CCDC181: variants seen among roughly 807,000 people sequenced by gnomAD.
The protein encoded by CCDC181 is coiled-coil domain containing 181.
A neutral mutation model predicts 58.7 loss-of-function variants in CCDC181; 35 were observed. The observed-to-expected ratio is 0.60, with a 90% CI of 0.46 to 0.79. The LOEUF (loss-of-function observed/expected upper bound fraction) is 0.79. CCDC181 is among the 30% of genes least tolerant of loss of function. CCDC181 has a pLI of 0.00. For missense variants in CCDC181, 517 were observed against 583.9 expected (o/e 0.89, Z 1.18); for synonymous variants, 183 against 197.5 (o/e 0.93, Z 0.62).
intron 4 of CCDC181, among the ~76,000 whole-genome samples, chr1:169,402,412 T>C (rs6656923): frequency 0.12 from 18,375 of 152,154 alleles, 1,164 homozygotes; most frequent in Admixed American, 0.14. Flanking sequence ...GAGAGAAAGG[T>C]TGGGTTACCC....
At chr1:169,405,249 T>C (rs554854124) in intron 4 of CCDC181, among the ~76,000 whole-genome samples, 1 of 152,276 alleles carries the variant, frequency 6.6e-6, no homozygotes, top group African/African-American at 2.4e-5. Flanking sequence ...AATTTATAGA[T>C]TCAATGCCAT....
Position 169,441,189 on chromosome 1 carries a change from T to C in CCDC181, c.-23-16239A>G, listed in dbSNP as rs567313017. Among the ~76,000 whole-genome samples, 7 of 152,310 alleles carry C rather than the reference T, an allele frequency of 4.6e-5. No homozygotes were observed. In the East Asian group the frequency reaches 1.4e-3, roughly 29 times the overall value. The stretch of plus-strand genomic sequence containing the variant: ...GTAGTATATATATTTAAGTCTTTAA[T>C]GAATATTTATTGAGTTCACATTACT... On this transcript the variant is annotated intron_variant, in intron 2 of 6. Transcript: ENST00000545005.
intron 2 of CCDC181, among the ~76,000 whole-genome samples, chr1:169,447,077 A>G (rs1657397421): frequency 6.6e-6 from 1 of 152,114 alleles, no homozygotes; most frequent in Non-Finnish European, 1.5e-5. Context: ...TAGTCTGTGA[A>G]CATAACTTGT....
chr1:169,395,258 T>C (rs751802829), intron 5 of CCDC181, 52 bp from the exon 6 acceptor site: 1 of 1,467,978 alleles, frequency 6.8e-7, no homozygotes, highest in Non-Finnish European at 9.2e-7. Flanking sequence ...GAATACACTC[T>C]TCATGCTATA....
At chr1:169,431,727 G>A (rs1407490066), upstream of CCDC181, among the ~76,000 whole-genome samples, 2 of 152,150 alleles carry the variant, frequency 1.3e-5, no homozygotes, top group African/African-American at 2.4e-5. Flanking sequence ...TGCAGGAGCA[G>A]CTTTAACATA....
Position 169,397,272 on chromosome 1 carries a change from A to C in CCDC181, c.1335T>G (p.Leu445=), listed in dbSNP as rs746464125. The part of the protein sequence containing the change: ...LRKQEECLFF[L]KGTEGRERAF... ...CCCTTTCCCGGCCTTCTGTTCCTTT[A>C]AGGAAGAATAAACATTCCTCTTGCT... The change falls in exon 5 of 6, where the codon CTT becomes CTG. Residue 445 remains leucine (L), a synonymous_variant. Coordinates refer to ENST00000367806, the MANE Select transcript of CCDC181 (RefSeq NM_001300969.2). The C allele has an allele frequency of 5.0e-6, 8 of 1,608,292 alleles. No homozygotes were observed. Among genetic ancestry groups the C allele is most frequent in the Non-Finnish European group, 6.8e-6 (8 of 1,177,554 alleles).
At chr1:169,424,228 T>G (rs776774763) in intron 2 of CCDC181, among the ~76,000 whole-genome samples, 53 of 151,952 alleles carry the variant, frequency 3.5e-4, no homozygotes, top group Non-Finnish European at 6.8e-4. Context: ...TTAATTTTCC[T>G]GGAGTTCCTT....
At chr1:169,435,923 A>G (rs1467631824) in intron 2 of CCDC181, among the ~76,000 whole-genome samples, 1 of 152,210 alleles carries the variant, frequency 6.6e-6, no homozygotes, top group Non-Finnish European at 1.5e-5. Flanking sequence ...GGTGAAATGG[A>G]TAGTGTAAAA....
intron 4 of CCDC181, among the ~76,000 whole-genome samples, chr1:169,411,015 G>C (rs1655934834): frequency 6.6e-6 from 1 of 152,110 alleles, no homozygotes; most frequent in Non-Finnish European, 1.5e-5. Context: ...TCAAAAGCTA[G>C]CAGAAAGCAA....
chr1:169,422,334 A>C (rs1320410618), intron 2 of CCDC181, 21 bp from the exon 3 acceptor site: 1 of 1,489,312 alleles, frequency 6.7e-7, no homozygotes, highest in Non-Finnish European at 9.0e-7. Flanking sequence ...GATATTTTTC[A>C]GTCAAAATTG....
At chr1:169,402,850 A>T (rs1169378905) in intron 4 of CCDC181, among the ~76,000 whole-genome samples, 10 of 152,220 alleles carry the variant, frequency 6.6e-5, no homozygotes, top group Non-Finnish European at 1.5e-4. Flanking sequence ...CAATTAAAAG[A>T]CACAGACTGG....
chr1:169,398,008 C>T (rs1201941714), intron 4 of CCDC181, among the ~76,000 whole-genome samples: 1 of 152,086 alleles, frequency 6.6e-6, no homozygotes, highest in Non-Finnish European at 1.5e-5. Flanking sequence ...TGTTTGTAAC[C>T]CACATTGCCA....
chr1:169,428,717 A>C (rs936614008), upstream of CCDC181, among the ~76,000 whole-genome samples: 6 of 152,080 alleles, frequency 3.9e-5, no homozygotes, highest in Non-Finnish European at 8.8e-5. Flanking sequence ...GTGAAGTGGC[A>C]CGATCTGGGC....
intron 4 of CCDC181, among the ~76,000 whole-genome samples, chr1:169,408,860 C>T (rs1655811133): frequency 6.6e-6 from 1 of 152,136 alleles, no homozygotes; most frequent in Admixed American, 6.6e-5. Context: ...AAAAGGATAT[C>T]CACACAAAAA....
chr1:169,454,607 A>G (rs1001873868), intron 2 of CCDC181: 1 of 152,082 alleles, frequency 6.6e-6, no homozygotes, highest in Admixed American at 6.6e-5. Context: ...GGAGTATAAT[A>G]GAAATACTAA....
At chr1:169,397,211 G>T in intron 5 of CCDC181, 26 bp downstream of exon 5, 1 of 1,499,706 alleles carries the variant, frequency 6.7e-7, no homozygotes, top group Non-Finnish European at 8.9e-7. Flanking sequence ...AAGGAGGAGG[G>T]GGGAAATGCC....
At chr1:169,403,989 G>A (rs376720219) in intron 4 of CCDC181, among the ~76,000 whole-genome samples, 4 of 152,128 alleles carry the variant, frequency 2.6e-5, no homozygotes, top group East Asian at 3.8e-4. Flanking sequence ...TATCACCACC[G>A]ATCCCACAGA....
upstream of CCDC181, among the ~76,000 whole-genome samples, chr1:169,431,960 C>T (rs935296949): frequency 1.3e-5 from 2 of 152,034 alleles, no homozygotes; most frequent in Non-Finnish European, 2.9e-5. Context: ...ACATTAAAGA[C>T]TAAGACATTA....
intron 4 of CCDC181, among the ~76,000 whole-genome samples, chr1:169,407,770 C>G (rs1180221263): frequency 6.6e-6 from 1 of 152,130 alleles, no homozygotes; most frequent in Non-Finnish European, 1.5e-5. Flanking sequence ...TGGGTGCAAC[C>G]CACAGAGGGT....
Sources: gnomAD v4.1 joint callset for allele counts (sites outside exome capture counted in the v4.1 genomes callset) on GRCh38, gnomAD v4.1.1 for gene constraint, MANE v1.5 for transcripts, NCBI Gene and HGNC (gene_info 2026-07-23, HGNC 2026-07-21) for gene names.